Variants in SIPA1L2 observed in about 807,000 individuals in gnomAD.
SIPA1L2 encodes the protein signal-induced proliferation-associated 1-like protein 2.
A neutral mutation model predicts 163.9 loss-of-function variants in SIPA1L2; 56 were observed. The observed-to-expected ratio is 0.34, with a 90% CI of 0.28 to 0.43. SIPA1L2 has a LOEUF of 0.43. Ranked by LOEUF, SIPA1L2 falls within the 20% of genes least tolerant of loss-of-function variation. The pLI, the probability that SIPA1L2 is intolerant of heterozygous loss-of-function variation, is 1.00. For missense variants in SIPA1L2, 1,974 were observed against 2,193.5 expected, an observed-to-expected ratio of 0.90 and a Z score of 2.00; for synonymous variants, 877 against 865.7, an observed-to-expected ratio of 1.01 and a Z score of -0.23.
rs903572745 is a variant in SIPA1L2 at position 232,504,001 on chromosome 1, G to A, written c.1483+9856C>T. ...AGGCCAGGAGTTTGAGATCAGTCTG[G>A]GCATCACTGCAAGGCCCAGTCTCTA... On this transcript the variant is annotated intron_variant, in intron 3 of 22. Coordinates refer to ENST00000674635, the MANE Select transcript of SIPA1L2 (RefSeq NM_020808.5). Among the ~76,000 whole-genome samples the A allele has an allele frequency of 2.0e-5, 3 of 152,004 alleles. No individual in the cohort carries two copies. The East Asian group carries it at 5.8e-4, about 29-fold the overall frequency.
Position 232,443,720 on chromosome 1 carries a change from G to C in SIPA1L2, c.3354-35C>G, listed in dbSNP as rs750668389. On this transcript the variant is annotated intron_variant, in intron 11 of 22. Coordinates refer to ENST00000674635, the MANE Select transcript of SIPA1L2 (RefSeq NM_020808.5). ...TGAGTAGAATCATTAACAGGGCACT[G>C]AACTATCTGCCAAGCCCCTTGACCT... is the stretch of plus-strand genomic sequence containing the variant. 3 of 1,561,916 alleles carry C rather than the reference G, an allele frequency of 1.9e-6. No homozygotes were observed. The African/African-American group carries it at 4.1e-5, about 21-fold the overall frequency.
chr1:232,469,226 A>G (rs1437002795), intron 8 of SIPA1L2, among the ~76,000 whole-genome samples: 1 of 152,260 alleles, frequency 6.6e-6, no homozygotes, highest in Non-Finnish European at 1.5e-5. Context: ...GCTCAGGAGA[A>G]AAACAGCTTT....
At chr1:232,499,508 A>G (rs1666358254) in intron 3 of SIPA1L2, among the ~76,000 whole-genome samples, 1 of 152,260 alleles carries the variant, frequency 6.6e-6, no homozygotes, top group African/African-American at 2.4e-5. Context: ...GAAGGCTGAC[A>G]GAGGTGAGGA....
At chr1:232,621,028 T>C (rs774258559) in intron 1 of SIPA1L2, among the ~76,000 whole-genome samples, 6 of 152,216 alleles carry the variant, frequency 3.9e-5, no homozygotes, top group Non-Finnish European at 7.3e-5. Context: ...TCTAGCAAAA[T>C]ATAAATGCAA....
intron 1 of SIPA1L2, among the ~76,000 whole-genome samples, chr1:232,611,524 AGAT>A (rs1244324003): frequency 6.6e-6 from 1 of 152,190 alleles, no homozygotes; most frequent in Non-Finnish European, 1.5e-5. Context: ...TCTCAAAGGA[AGAT>A]GAGGAACTTG....
At chr1:232,538,947 C>T (rs878988196) in intron 2 of SIPA1L2, among the ~76,000 whole-genome samples, 4 of 152,188 alleles carry the variant, frequency 2.6e-5, no homozygotes, top group Admixed American at 1.3e-4. Context: ...AGACAGCTGA[C>T]GAATATTCCC....
intron 10 of SIPA1L2, among the ~76,000 whole-genome samples, chr1:232,450,208 T>C (rs1183208389): frequency 1.3e-5 from 2 of 152,230 alleles, no homozygotes; most frequent in Admixed American, 1.3e-4. Flanking sequence ...TTACTCTGGA[T>C]TTACTGAGTT....
At chr1:232,427,495 G>A (rs892778298) in intron 17 of SIPA1L2, among the ~76,000 whole-genome samples, 1 of 152,214 alleles carries the variant, frequency 6.6e-6, no homozygotes, top group Non-Finnish European at 1.5e-5. Flanking sequence ...ACAAGAGGGA[G>A]TGCTGGATTA....
chr1:232,489,494 G>A (rs1488591692), intron 5 of SIPA1L2, among the ~76,000 whole-genome samples: 1 of 140,896 alleles, frequency 7.1e-6, no homozygotes, highest in Non-Finnish European at 1.5e-5. Context: ...TTTAGAGTAT[G>A]GTTTTTTTTT....
rs1662080267 is a variant in SIPA1L2 at position 232,608,472 on chromosome 1, T to C, written c.-319+21397A>G. ...CCACCTGCAAATGCAGTAACAACTCTCAAATAATAGAAAACAAATTAATGG... is the reference window on the plus strand; with the variant it reads ...CCACCTGCAAATGCAGTAACAACTCCCAAATAATAGAAAACAAATTAATGG... On this transcript the variant is annotated intron_variant, in intron 1 of 22. Transcript: ENST00000674635. Among the ~76,000 whole-genome samples the C allele has an allele frequency of 2.0e-5, 3 of 152,172 alleles. No individual in the cohort carries two copies. In the South Asian group the frequency reaches 6.2e-4, roughly 32 times the overall value.
intron 1 of SIPA1L2, among the ~76,000 whole-genome samples, chr1:232,586,302 T>A (rs895094862): frequency 1.3e-5 from 2 of 152,178 alleles, no homozygotes; most frequent in Admixed American, 6.5e-5. Context: ...GTTTCACACA[T>A]CCACATCCTC....
chr1:232,434,596 G>A (rs979771533), intron 15 of SIPA1L2, among the ~76,000 whole-genome samples: 9 of 152,122 alleles, frequency 5.9e-5, no homozygotes, highest in African/African-American at 2.2e-4. Context: ...CAATCAACAG[G>A]CATGAATAAT....
chr1:232,579,134 C>T (rs994898255), intron 1 of SIPA1L2, among the ~76,000 whole-genome samples: 2 of 152,142 alleles, frequency 1.3e-5, no homozygotes, highest in Non-Finnish European at 2.9e-5. Flanking sequence ...TTGTTCTTAC[C>T]AGCAGGTTCA....
chr1:232,457,373 GA>G (rs1402234150), intron 10 of SIPA1L2, among the ~76,000 whole-genome samples: 3 of 152,284 alleles, frequency 2.0e-5, no homozygotes, highest in Admixed American at 6.5e-5. Context: ...CAACATTTAT[GA>G]GACTAAAATA....
chr1:232,600,203 A>G (rs558672730), intron 1 of SIPA1L2, among the ~76,000 whole-genome samples: 1 of 152,306 alleles, frequency 6.6e-6, no homozygotes, highest in South Asian at 2.1e-4. Context: ...GCTTTTTCAA[A>G]TGAAGGGGCA....
Position 232,460,973 on chromosome 1 carries a change from G to A in SIPA1L2, c.3009C>T (p.Thr1003=). ...EICKVAVATL[T]HEQMIDLLRT... ...GGAGCAGGTCGATCATCTGCTCGTG[G>A]GTCAGAGTGGCCACGGCTACTTTGC... is the stretch of plus-strand genomic sequence containing the variant. The change falls in exon 10 of 23, where the codon ACC becomes ACT. Residue 1003 remains threonine (T), a synonymous_variant. Coordinates refer to ENST00000674635, the MANE Select transcript of SIPA1L2 (RefSeq NM_020808.5). 6.2e-7 allele frequency: 1 copy of A among 1,614,252 alleles called. No homozygotes were observed. Among genetic ancestry groups the A allele is most frequent in the Non-Finnish European group, 8.5e-7 (1 of 1,180,044 alleles).
rs1420278603 is a variant in SIPA1L2, at chr1:232,618,670, ACTC to A, written c.-319+11196_-319+11198del. Among the ~76,000 whole-genome samples the A allele has an allele frequency of 4.1e-5, 6 of 146,040 alleles. No homozygotes were observed. In the East Asian group the frequency reaches 1.2e-3, roughly 29 times the overall value. The stretch of plus-strand genomic sequence containing the variant: ...CTCCATCTCAAAAAAAAAAAAAAAA[ACTC>A]TTGTTACTCCGCATAATTTTAAAAT... On this transcript the variant is annotated intron_variant, in intron 1 of 22. Transcript: ENST00000674635.
At chr1:232,461,211 T>TG (rs1467474664) in intron 9 of SIPA1L2, 50 bp from the exon 10 acceptor site, 2 of 1,587,242 alleles carry the variant, frequency 1.3e-6, no homozygotes, top group Non-Finnish European at 1.7e-6. Context: ...CAAGCTGCCA[T>TG]GGGGCTCTGC....
intron 7 of SIPA1L2, among the ~76,000 whole-genome samples, chr1:232,474,008 G>A (rs1049778840): frequency 2.0e-5 from 3 of 152,068 alleles, no homozygotes; most frequent in Non-Finnish European, 4.4e-5. Flanking sequence ...AAAGGCAAAT[G>A]TTTTCTTTAG....
Sources: allele counts gnomAD v4.1 joint callset (sites outside exome capture counted in the v4.1 genomes callset), GRCh38; gene constraint gnomAD v4.1.1; transcripts MANE v1.5; gene names NCBI Gene and HGNC (gene_info 2026-07-23, HGNC 2026-07-21).